The following CTNND2 variants were observed in gnomAD, a reference collection of about 807,000 sequenced individuals.
CTNND2 encodes the protein catenin delta-2.
A neutral mutation model predicts 144.4 loss-of-function variants in CTNND2; 22 were observed. That is an observed-to-expected ratio of 0.15 (90% CI 0.11 to 0.22). The LOEUF is 0.22. Among genes scored for constraint, CTNND2 ranks in the 10% least tolerant of loss-of-function variants. The pLI, the probability that CTNND2 is intolerant of heterozygous loss-of-function variation, is 1.00. For synonymous variants in CTNND2, 751 were observed against 695.6 expected, an observed-to-expected ratio of 1.08 and a Z score of -1.25; for missense variants, 1,353 against 1,618.8, an observed-to-expected ratio of 0.84 and a Z score of 2.82.
At chr5:11,013,020 G>A (rs1301608449) in intron 18 of CTNND2, among the ~76,000 whole-genome samples, 2 of 152,134 alleles carry the variant, frequency 1.3e-5, no homozygotes, top group South Asian at 2.1e-4. Context: ...TGGCATTTGG[G>A]AAAACAACAG....
intron 3 of CTNND2, among the ~76,000 whole-genome samples, chr5:11,564,446 T>C (rs1776917987): frequency 6.6e-6 from 1 of 152,206 alleles, no homozygotes; most frequent in Non-Finnish European, 1.5e-5. Context: ...AATTGAATAA[T>C]CATTTATGTT....
intron 18 of CTNND2, among the ~76,000 whole-genome samples, chr5:10,998,240 C>T (rs1351915153): frequency 1.3e-5 from 2 of 152,016 alleles, no homozygotes; most frequent in East Asian, 1.9e-4. Context: ...GTGATGACAG[C>T]GGAGTGTGGT....
intron 2 of CTNND2, among the ~76,000 whole-genome samples, chr5:11,603,704 A>C (rs530344187): frequency 1.3e-5 from 2 of 152,342 alleles, no homozygotes; most frequent in South Asian, 4.1e-4. Context: ...AGTTCAGAGA[A>C]GTCTATTATA....
chr5:11,111,995 C>G (rs796105012), intron 13 of CTNND2, among the ~76,000 whole-genome samples: 12 of 152,048 alleles, frequency 7.9e-5, no homozygotes, highest in African/African-American at 2.9e-4. Flanking sequence ...TACAGGCACC[C>G]GCCACTACGC....
At chr5:11,662,160 T>TATATATGTGTATA (rs1783262588) in intron 2 of CTNND2, among the ~76,000 whole-genome samples, 1 of 144,198 alleles carries the variant, frequency 6.9e-6, no homozygotes, top group Admixed American at 7.0e-5. Flanking sequence ...TATATATGTG[T>TATATATGTGTATA]ATATATGTGT....
intron 9 of CTNND2, among the ~76,000 whole-genome samples, chr5:11,243,477 G>A (rs1434311174): frequency 6.6e-6 from 1 of 152,176 alleles, no homozygotes; most frequent in East Asian, 1.9e-4. Context: ...CTCTAGAAAT[G>A]TCAGGTATTG....
intron 12 of CTNND2, among the ~76,000 whole-genome samples, chr5:11,128,795 T>TA (rs372613635): frequency 1.1e-4 from 7 of 61,512 alleles, no homozygotes; most frequent in Admixed American, 5.3e-4. Context: ...TAAATATATA[T>TA]TATATATATA....
intron 2 of CTNND2, among the ~76,000 whole-genome samples, chr5:11,709,828 C>T (rs188192209): frequency 1.5e-3 from 230 of 152,058 alleles, no homozygotes; most frequent in Admixed American, 4.9e-3. Flanking sequence ...GCTAAATTAT[C>T]GTATAGTGAA....
chr5:11,147,303 G>A (rs990650567), intron 12 of CTNND2, among the ~76,000 whole-genome samples: 1 of 152,120 alleles, frequency 6.6e-6, no homozygotes, highest in Non-Finnish European at 1.5e-5. Flanking sequence ...GAATATATAC[G>A]GAATGAACGT....
At chr5:11,723,524 AC>A (rs1171682585) in intron 2 of CTNND2, among the ~76,000 whole-genome samples, 1 of 152,140 alleles carries the variant, frequency 6.6e-6, no homozygotes, top group East Asian at 1.9e-4. Context: ...TGGAAATGAG[AC>A]CCCTGCACCA....
intron 12 of CTNND2, among the ~76,000 whole-genome samples, chr5:11,145,204 C>T (rs1165938872): frequency 1.3e-5 from 2 of 152,112 alleles, no homozygotes; most frequent in Non-Finnish European, 2.9e-5. Flanking sequence ...TAAGTACATT[C>T]ACATTGTTGT....
intron 7 of CTNND2, among the ~76,000 whole-genome samples, chr5:11,368,254 C>T (rs1185212102): frequency 6.6e-6 from 1 of 152,156 alleles, no homozygotes; most frequent in African/African-American, 2.4e-5. Context: ...TAGGACTAAG[C>T]CTGAGGCATT....
chr5:11,074,725 G>A (rs144458470), intron 16 of CTNND2, among the ~76,000 whole-genome samples: 6 of 152,220 alleles, frequency 3.9e-5, no homozygotes, highest in African/African-American at 1.4e-4. Flanking sequence ...GTAAAGACCT[G>A]GCATGGAGGA....
chr5:10,997,281 T>C (rs1023556847), intron 18 of CTNND2, among the ~76,000 whole-genome samples: 3 of 152,164 alleles, frequency 2.0e-5, no homozygotes, highest in South Asian at 2.1e-4. Context: ...CCATTACTTA[T>C]GTATGGGAAC....
intron 2 of CTNND2, among the ~76,000 whole-genome samples, chr5:11,681,356 T>A (rs1271860487): frequency 6.6e-6 from 1 of 152,192 alleles, no homozygotes; most frequent in African/African-American, 2.4e-5. Context: ...GATTAAAGTC[T>A]CCTGAACATA....
chr5:11,762,414 A>T (rs1218231222), intron 1 of CTNND2, among the ~76,000 whole-genome samples: 1 of 152,178 alleles, frequency 6.6e-6, no homozygotes, highest in Non-Finnish European at 1.5e-5. Flanking sequence ...AATCTTGCAA[A>T]TCTTGCACAA....
chr5:11,748,760 T>C (rs909112977), intron 1 of CTNND2, among the ~76,000 whole-genome samples: 1 of 152,064 alleles, frequency 6.6e-6, no homozygotes, highest in Admixed American at 6.6e-5. Flanking sequence ...CTCTGTTGGG[T>C]TGAGTTTGGG....
chr5:11,778,656 C>G lies in CTNND2; in HGVS notation c.38-46384G>C, dbSNP rs1364361257. On this transcript the variant is annotated intron_variant, in intron 1 of 21. Transcript: ENST00000304623. ...AGCGAAGTCTGAGAAACTGCCACAGCCACGAAGGATCCTAGAGAGACCTAA... is the reference window on the plus strand; with the variant it reads ...AGCGAAGTCTGAGAAACTGCCACAGGCACGAAGGATCCTAGAGAGACCTAA... Among the ~76,000 whole-genome samples, 4 of 152,282 alleles carry G rather than the reference C, an allele frequency of 2.6e-5. No individual in the cohort carries two copies. The East Asian group carries it at 7.7e-4, about 29-fold the overall frequency.
In CTNND2 at chr5:11,263,177, T is replaced by A. The variant is rs75371398; in HGVS notation, c.1629-26354A>T. ...CTTGATTCTAAATTTTCTTTTTCCA[T>A]TGACCCAGCATCGATATCTCAACCT... On this transcript the variant is annotated intron_variant, in intron 9 of 21. Coordinates refer to ENST00000304623, the MANE Select transcript of CTNND2 (RefSeq NM_001332.4). Among the ~76,000 whole-genome samples, 140 of 152,360 alleles carry A rather than the reference T, an allele frequency of 9.2e-4. 4 individuals are homozygous for A. In the East Asian group the frequency reaches 0.024, roughly 26 times the overall value.
Sources: allele counts gnomAD v4.1 joint callset (sites outside exome capture counted in the v4.1 genomes callset), GRCh38; gene constraint gnomAD v4.1.1; transcripts MANE v1.5; gene names NCBI Gene and HGNC (gene_info 2026-07-23, HGNC 2026-07-21).